Variants in TBC1D4 observed in about 807,000 individuals in gnomAD.
The protein encoded by TBC1D4 is TBC (Tre-2, BUB2, CDC16) domain-containing protein.
A neutral mutation model predicts 142.5 loss-of-function variants in TBC1D4; 121 were observed. The ratio of observed to expected loss-of-function variants is 0.85; its 90% CI spans 0.73 to 0.99. The LOEUF is 0.99. Among genes scored for constraint, TBC1D4 ranks in the 50% least tolerant of loss-of-function variants. TBC1D4 has a pLI of 0.00. For missense variants in TBC1D4, 1,475 were observed against 1,606.6 expected (o/e 0.92, Z 1.40); for synonymous variants, 630 against 628.2 (o/e 1.00, Z -0.04).
intron 1 of TBC1D4, among the ~76,000 whole-genome samples, chr13:75,403,437 T>C (rs1045658573): frequency 9.2e-5 from 14 of 152,238 alleles, no homozygotes; most frequent in African/African-American, 3.1e-4. Context: ...GATATTCTTG[T>C]ATGTTAACAG....
chr13:75,296,318 G>A (rs1875922741), intron 17 of TBC1D4, among the ~76,000 whole-genome samples: 1 of 151,858 alleles, frequency 6.6e-6, no homozygotes, highest in South Asian at 2.1e-4. Flanking sequence ...ATCAACAAAA[G>A]AGTTAGTATT....
At chr13:75,454,396 AG>A (rs1348996363) in intron 1 of TBC1D4, among the ~76,000 whole-genome samples, 1 of 152,208 alleles carries the variant, frequency 6.6e-6, no homozygotes, top group African/African-American at 2.4e-5. Context: ...GCTATTTAAT[AG>A]GGTTCTTTCC....
intron 1 of TBC1D4, among the ~76,000 whole-genome samples, chr13:75,437,768 T>G (rs1165897209): frequency 6.6e-6 from 1 of 152,164 alleles, no homozygotes; most frequent in East Asian, 1.9e-4. Context: ...TAGTAGCTAA[T>G]TCCTCTATAA....
At chr13:75,387,474 A>C (rs1295638324) in intron 1 of TBC1D4, among the ~76,000 whole-genome samples, 1 of 152,228 alleles carries the variant, frequency 6.6e-6, no homozygotes, top group Non-Finnish European at 1.5e-5. Flanking sequence ...AGAATCTTTT[A>C]ACAATGCATG....
intron 1 of TBC1D4, among the ~76,000 whole-genome samples, chr13:75,448,354 G>A (rs1887383176): frequency 6.6e-6 from 1 of 152,050 alleles, no homozygotes; most frequent in Non-Finnish European, 1.5e-5. Flanking sequence ...GATCACCTGA[G>A]GTCGGGAGTT....
At chr13:75,355,315 G>A (rs1881951058) in intron 4 of TBC1D4, among the ~76,000 whole-genome samples, 1 of 152,188 alleles carries the variant, frequency 6.6e-6, no homozygotes, top group Non-Finnish European at 1.5e-5. Context: ...TGATGTATAT[G>A]TCTAAAGGGT....
chr13:75,345,424 G>A (rs1473035652), intron 5 of TBC1D4, among the ~76,000 whole-genome samples: 1 of 152,000 alleles, frequency 6.6e-6, no homozygotes, highest in Non-Finnish European at 1.5e-5. Flanking sequence ...TGTGATCCAG[G>A]GACTTAGGAA....
intron 5 of TBC1D4, among the ~76,000 whole-genome samples, chr13:75,341,955 G>A (rs922074506): frequency 2.0e-5 from 3 of 152,208 alleles, no homozygotes; most frequent in African/African-American, 7.2e-5. Context: ...CCTGGTGACA[G>A]TGTGGCCACA....
intron 1 of TBC1D4, among the ~76,000 whole-genome samples, chr13:75,406,399 T>C (rs554503850): frequency 6.3e-4 from 96 of 152,350 alleles, no homozygotes; most frequent in Non-Finnish European, 1.1e-3. Context: ...AATTAAAGCA[T>C]TGCAGGCCTT....
intron 7 of TBC1D4, 67 bp from the exon 8 acceptor site, chr13:75,337,107 A>C: frequency 6.8e-7 from 1 of 1,464,154 alleles, no homozygotes; most frequent in Non-Finnish European, 9.5e-7. Context: ...CTTTAATTAT[A>C]GGCTTAAGAC....
In TBC1D4 at chr13:75,341,604, G is replaced by A. The variant is rs1880711267; in HGVS notation, c.1409-17C>T. ...GGTAGAGACCTAAGGAAAATGATGA[G>A]GGAAGGTATTAAACAGAGTCTAGCA... is the stretch of plus-strand genomic sequence containing the variant. On this transcript the variant is annotated splice_polypyrimidine_tract_variant and intron_variant, in intron 5 of 20. Coordinates refer to ENST00000377636, the MANE Select transcript of TBC1D4 (RefSeq NM_014832.5). 1 of 1,596,426 alleles carries A rather than the reference G, an allele frequency of 6.3e-7. No individual in the cohort carries two copies. Among genetic ancestry groups the A allele is most frequent in the East Asian group, 2.2e-5 (1 of 44,778 alleles).
At chr13:75,436,724 A>G (rs1419208844) in intron 1 of TBC1D4, among the ~76,000 whole-genome samples, 2 of 152,172 alleles carry the variant, frequency 1.3e-5, no homozygotes, top group African/African-American at 2.4e-5. Flanking sequence ...AGAATCATCA[A>G]TGGACACTAA....
chr13:75,302,091 C>T, intron 16 of TBC1D4, 152 bp downstream of exon 16: 2 of 889,896 alleles, frequency 2.2e-6, no homozygotes, highest in Non-Finnish European at 3.5e-6. Context: ...AGGTATAAGG[C>T]CAACTTGCCC....
intron 16 of TBC1D4, 69 bp from the exon 17 acceptor site, chr13:75,299,643 A>G: frequency 6.3e-7 from 1 of 1,583,096 alleles, no homozygotes; most frequent in Non-Finnish European, 8.6e-7. Flanking sequence ...GTGAAATTGC[A>G]ATTCAGTGAC....
At chr13:75,321,452 T>C (rs1878779734) in intron 11 of TBC1D4, among the ~76,000 whole-genome samples, 1 of 152,084 alleles carries the variant, frequency 6.6e-6, no homozygotes, top group Non-Finnish European at 1.5e-5. Context: ...TATATATATA[T>C]GTAAATGGAC....
At chr13:75,416,234 G>A (rs1885910392) in intron 1 of TBC1D4, among the ~76,000 whole-genome samples, 1 of 152,172 alleles carries the variant, frequency 6.6e-6, no homozygotes, top group Non-Finnish European at 1.5e-5. Flanking sequence ...ATGTCAACAA[G>A]AAGGGAAACT....
intron 1 of TBC1D4, among the ~76,000 whole-genome samples, chr13:75,454,440 G>A (rs1887648527): frequency 6.6e-6 from 1 of 152,002 alleles, no homozygotes; most frequent in Non-Finnish European, 1.5e-5. Context: ...ATAAATGTTA[G>A]CATAAATGTT....
intron 1 of TBC1D4, among the ~76,000 whole-genome samples, chr13:75,393,541 C>G (rs1884606313): frequency 6.6e-6 from 1 of 152,114 alleles, no homozygotes; most frequent in South Asian, 2.1e-4. Context: ...CTACAAACAG[C>G]AAATTTTTCA....
At chr13:75,367,534 A>C (rs1882990034) in intron 1 of TBC1D4, among the ~76,000 whole-genome samples, 1 of 152,132 alleles carries the variant, frequency 6.6e-6, no homozygotes, top group South Asian at 2.1e-4. Context: ...TAAAAAAAAA[A>C]AAAGTTGAGG....
Sources: gnomAD v4.1 joint callset for allele counts (sites outside exome capture counted in the v4.1 genomes callset) on GRCh38, gnomAD v4.1.1 for gene constraint, MANE v1.5 for transcripts, NCBI Gene and HGNC (gene_info 2026-07-23, HGNC 2026-07-21) for gene names.